Variants in SORCS2 observed in about 807,000 individuals in gnomAD.
The protein encoded by SORCS2 is sortilin related VPS10 domain containing receptor 2, also known as VPS10 domain-containing receptor SorCS2.
In SORCS2, 100 loss-of-function variants were observed where a neutral mutation model predicts 141.6. That is an observed-to-expected ratio of 0.71 (90% CI 0.60 to 0.83). SORCS2 has a LOEUF of 0.83. Ranked by LOEUF, SORCS2 falls within the 40% of genes least tolerant of loss-of-function variation. SORCS2 has a pLI of 0.00. For synonymous variants in SORCS2, 789 were observed against 676.9 expected (o/e 1.17, Z -2.57); for missense variants, 1,646 against 1,560.2 (o/e 1.05, Z -0.93).
intron 18 of SORCS2, 35 bp downstream of exon 18, chr4:7,718,218 G>C: frequency 1.9e-6 from 3 of 1,591,306 alleles, no homozygotes; most frequent in Non-Finnish European, 2.6e-6. Context: ...TCCTGGGACT[G>C]TCGGGCAGGG....
At chr4:7,587,538 C>A (rs1444049499) in intron 3 of SORCS2, among the ~76,000 whole-genome samples, 1 of 152,200 alleles carries the variant, frequency 6.6e-6, no homozygotes, top group East Asian at 1.9e-4. Context: ...CTGGGCAGCG[C>A]CTTGATTAGG....
At chr4:7,740,074 G>A in intron 26 of SORCS2, 126 bp from the exon 27 acceptor site, 1 of 749,212 alleles carries the variant, frequency 1.3e-6, no homozygotes, top group Admixed American at 2.1e-5. Context: ...ACGGGCTGAA[G>A]GAAGCCAGGG....
At chr4:7,540,934 A>C (rs1712597281) in intron 3 of SORCS2, among the ~76,000 whole-genome samples, 1 of 152,174 alleles carries the variant, frequency 6.6e-6, no homozygotes, top group Admixed American at 6.5e-5. Flanking sequence ...CCAGCGCCCC[A>C]CCCACGAGGC....
chr4:7,381,668 G>A (rs2005355), intron 1 of SORCS2, among the ~76,000 whole-genome samples: 53,089 of 152,138 alleles, frequency 0.35, 11,007 homozygotes, highest in Non-Finnish European at 0.47. Flanking sequence ...CAATTTCCCA[G>A]AAGAGCAGGC....
intron 1 of SORCS2, among the ~76,000 whole-genome samples, chr4:7,375,879 C>T (rs555995627): frequency 2.3e-5 from 3 of 132,988 alleles, no homozygotes; most frequent in South Asian, 2.1e-4. Context: ...TCCCTACCAT[C>T]GGCCGCTTGT....
intron 3 of SORCS2, among the ~76,000 whole-genome samples, chr4:7,609,827 A>G (rs1718294361): frequency 2.6e-5 from 4 of 152,188 alleles, no homozygotes; most frequent in Admixed American, 2.6e-4. Context: ...CTTGTGTATC[A>G]GTGGTCAGCC....
intron 3 of SORCS2, among the ~76,000 whole-genome samples, chr4:7,611,478 T>C (rs1718402832): frequency 6.6e-6 from 1 of 152,088 alleles, no homozygotes; most frequent in African/African-American, 2.4e-5. Context: ...CCAGGAGCTG[T>C]TGGGAGCAGG....
At chr4:7,627,890 A>C (rs1242431283) in intron 3 of SORCS2, among the ~76,000 whole-genome samples, 1 of 152,242 alleles carries the variant, frequency 6.6e-6, no homozygotes, top group Non-Finnish European at 1.5e-5. Context: ...TACATAGTAG[A>C]CACTGCAAGT....
intron 2 of SORCS2, among the ~76,000 whole-genome samples, chr4:7,487,112 T>A (rs754030804): frequency 2.6e-5 from 4 of 152,104 alleles, no homozygotes; most frequent in Admixed American, 6.5e-5. Flanking sequence ...AAGCCCACCC[T>A]CCCGGGTGGT....
intron 26 of SORCS2, among the ~76,000 whole-genome samples, chr4:7,739,820 CG>C (rs1329594589): frequency 1.3e-5 from 2 of 152,188 alleles, no homozygotes; most frequent in African/African-American, 2.4e-5. Context: ...TCTCGCCTCC[CG>C]GGGCCTCGCC....
At chr4:7,416,702 A>C (rs1428999667) in intron 2 of SORCS2, among the ~76,000 whole-genome samples, 1 of 143,378 alleles carries the variant, frequency 7.0e-6, no homozygotes, top group Non-Finnish European at 1.5e-5. Flanking sequence ...GCATGCACTC[A>C]CTCACACTTG....
chr4:7,629,908 T>G (rs956211648), intron 3 of SORCS2, among the ~76,000 whole-genome samples: 1 of 152,120 alleles, frequency 6.6e-6, no homozygotes, highest in Admixed American at 6.5e-5. Context: ...TGAAACTTAG[T>G]GTGCTCTTGT....
At chr4:7,379,115 T>C (rs551828562) in intron 1 of SORCS2, among the ~76,000 whole-genome samples, 2 of 152,202 alleles carry the variant, frequency 1.3e-5, no homozygotes, top group South Asian at 4.2e-4. Flanking sequence ...ATCCTGTGCT[T>C]GGGATGTGGC....
intron 17 of SORCS2, among the ~76,000 whole-genome samples, chr4:7,715,715 C>T (rs1026509274): frequency 3.9e-5 from 6 of 152,192 alleles, no homozygotes. Flanking sequence ...TGCTAGGACC[C>T]TTCTCCATTT....
chr4:7,244,269 G>C (rs1016601857), intron 1 of SORCS2, among the ~76,000 whole-genome samples: 1 of 152,168 alleles, frequency 6.6e-6, no homozygotes, highest in African/African-American at 2.4e-5. Context: ...GAACAAGCTT[G>C]GGGGGTGAGT....
At chr4:7,483,008 T>C (rs1203366509) in intron 2 of SORCS2, among the ~76,000 whole-genome samples, 3 of 152,112 alleles carry the variant, frequency 2.0e-5, no homozygotes, top group Admixed American at 6.5e-5. Flanking sequence ...CCCTAAATCC[T>C]ATGACTGATG....
chr4:7,223,318 C>CTG (rs1728821063), intron 1 of SORCS2, among the ~76,000 whole-genome samples: 2 of 151,702 alleles, frequency 1.3e-5, no homozygotes, highest in African/African-American at 4.8e-5. Context: ...CACACACACA[C>CTG]TCACACACAG....
intron 8 of SORCS2, among the ~76,000 whole-genome samples, chr4:7,669,920 A>T (rs1722699788): frequency 6.6e-6 from 1 of 152,202 alleles, no homozygotes. Context: ...TATTGAGGAG[A>T]GTGTACCTTG....
intron 2 of SORCS2, among the ~76,000 whole-genome samples, chr4:7,461,226 C>T (rs895662380): frequency 6.6e-6 from 1 of 152,238 alleles, no homozygotes; most frequent in South Asian, 2.1e-4. Context: ...CGCTCTTTCC[C>T]TCTGCCGTCA....
Sources: allele counts gnomAD v4.1 joint callset (sites outside exome capture counted in the v4.1 genomes callset), GRCh38; gene constraint gnomAD v4.1.1; transcripts MANE v1.5; gene names NCBI Gene and HGNC (gene_info 2026-07-23, HGNC 2026-07-21).